PHIP: variants seen among roughly 807,000 people sequenced by gnomAD.
PHIP encodes the protein PH-interacting protein.
PHIP carries 54 observed loss-of-function variants against 236.8 expected under a neutral mutation model. The ratio of observed to expected loss-of-function variants is 0.23; its 90% CI spans 0.18 to 0.29. The LOEUF (loss-of-function observed/expected upper bound fraction) is 0.29, where lower values mean the gene tolerates loss of function less well. Ranked by LOEUF, PHIP falls within the 10% of genes least tolerant of loss-of-function variation. The pLI is 1.00. For synonymous variants in PHIP, 756 were observed against 718.9 expected (o/e 1.05, Z -0.83); for missense variants, 1,370 against 2,190.8 (o/e 0.63, Z 7.48).
Position 78,940,813 on chromosome 6 carries a change from G to A in PHIP, c.5346C>T (p.Asp1782=), listed in dbSNP as rs1348207831. Residue 1782 remains aspartate, a synonymous_variant, in exon 40 of 40, where the codon GAC becomes GAT. Coordinates refer to ENST00000275034, the MANE Select transcript of PHIP (RefSeq NM_017934.7). ...ACAGCTGCCTTTGCTCCTCTTCAGA[G>A]TCATCCTCATTATAGAAAGCTGTCC... ...GRRTAFYNED[D]SEEEQRQLLF... is the part of the protein sequence containing the mutation. 9.3e-6 allele frequency: 15 copies of A among 1,613,808 alleles called. No individual in the cohort carries two copies. Among genetic ancestry groups the A allele is most frequent in the Non-Finnish European group, 1.3e-5 (15 of 1,179,912 alleles).
chr6:79,015,543 A>G, intron 14 of PHIP, 87 bp downstream of exon 14: 2 of 1,023,478 alleles, frequency 2.0e-6, no homozygotes, highest in Non-Finnish European at 1.4e-6. Context: ...TTTTTAGCTA[A>G]CATAAAAGAC....
At chr6:79,019,057 T>TTC in intron 10 of PHIP, 32 bp downstream of exon 10, 1 of 1,521,198 alleles carries the variant, frequency 6.6e-7, no homozygotes. Context: ...ATGAACAACT[T>TTC]TAAGTCGAAA....
intron 15 of PHIP, among the ~76,000 whole-genome samples, chr6:79,009,396 AT>A (rs1450020483): frequency 6.6e-6 from 1 of 151,926 alleles, no homozygotes; most frequent in East Asian, 1.9e-4. Flanking sequence ...CATAGTTTCA[AT>A]TCCTTCTCCT....
intron 24 of PHIP, among the ~76,000 whole-genome samples, chr6:78,974,769 C>A (rs1174191776): frequency 6.6e-6 from 1 of 151,834 alleles, no homozygotes; most frequent in Non-Finnish European, 1.5e-5. Flanking sequence ...ACTAGAAAAT[C>A]TAGAAGAAAT....
At chr6:78,974,158 G>A (rs1201731808) in intron 24 of PHIP, among the ~76,000 whole-genome samples, 8 of 151,988 alleles carry the variant, frequency 5.3e-5, no homozygotes, top group Middle Eastern at 3.2e-3. Flanking sequence ...TAAAAGAACA[G>A]AAATTATAAC....
intron 4 of PHIP, among the ~76,000 whole-genome samples, chr6:79,073,357 G>A (rs1773990788): frequency 6.6e-6 from 1 of 152,086 alleles, no homozygotes; most frequent in South Asian, 2.1e-4. Flanking sequence ...ACGACCATAT[G>A]AGATTAAAGC....
intron 2 of PHIP, 50 bp from the exon 3 acceptor site, chr6:79,077,779 C>CCCGCCG (rs757057563): frequency 2.4e-5 from 23 of 973,120 alleles, no homozygotes; most frequent in Non-Finnish European, 2.2e-5. Context: ...GGGCCGCGGC[C>CCCGCCG]CCGCCGCCGC....
At chr6:79,020,772 T>A (rs1771079829) in intron 9 of PHIP, among the ~76,000 whole-genome samples, 1 of 152,258 alleles carries the variant, frequency 6.6e-6, no homozygotes, top group Admixed American at 6.5e-5. Flanking sequence ...GGAGTCTCGT[T>A]CTGTGGCCCA....
intron 24 of PHIP, among the ~76,000 whole-genome samples, chr6:78,974,394 T>C (rs1050708034): frequency 6.6e-6 from 1 of 151,738 alleles, no homozygotes; most frequent in Admixed American, 6.6e-5. Context: ...GAGGGAAATT[T>C]ATAGCACTAA....
chr6:79,046,356 C>T (rs1387701266), intron 6 of PHIP, among the ~76,000 whole-genome samples: 2 of 152,178 alleles, frequency 1.3e-5, no homozygotes, highest in Non-Finnish European at 2.9e-5. Flanking sequence ...ACAGCCCCTG[C>T]CATCACCCAT....
At chr6:78,959,423 G>A (rs989354509) in intron 31 of PHIP, among the ~76,000 whole-genome samples, 1 of 152,074 alleles carries the variant, frequency 6.6e-6, no homozygotes, top group Non-Finnish European at 1.5e-5. Context: ...TATCTTCAGT[G>A]TATCATATAG....
intron 23 of PHIP, among the ~76,000 whole-genome samples, chr6:78,981,458 A>G (rs10943611): frequency 0.096 from 14,573 of 152,064 alleles, 732 homozygotes; most frequent in Middle Eastern, 0.19. Flanking sequence ...AGTGACCCAC[A>G]TAATTCTATT....
Position 78,965,719 on chromosome 6 carries a change from C to A in PHIP, c.3363G>T (p.Glu1121Asp), listed in dbSNP as rs1424165395. Residue 1121 changes from glutamate to aspartate, a missense_variant, in exon 29 of 40, where the codon GAG becomes GAT. Physicochemically the swap from Glu to Asp is conservative, Grantham distance 45. This residue lies in a region of PHIP where 238 missense variants were observed against 398.5 expected (regional missense o/e 0.60). Coordinates refer to ENST00000275034, the MANE Select transcript of PHIP (RefSeq NM_017934.7). ...CACACTTACCATTATTAGGTATAAG[C>A]TCCATATCCCAAGGACTCATCTTTT... ...DTEKMSPWDM[E>D]LIPNNAVFPE... The A allele has an allele frequency of 6.4e-7, 1 of 1,562,128 alleles. No individual in the cohort carries two copies.
intron 7 of PHIP, among the ~76,000 whole-genome samples, chr6:79,042,383 T>C (rs967077830): frequency 6.6e-6 from 1 of 152,036 alleles, no homozygotes; most frequent in Non-Finnish European, 1.5e-5. Context: ...TTTTTAGCTT[T>C]TTTAAAATCA....
At chr6:78,945,705 AT>A (rs1773775344) in intron 38 of PHIP, 2 of 601,996 alleles carry the variant, frequency 3.3e-6, no homozygotes, top group Non-Finnish European at 5.8e-6. Flanking sequence ...CTGTCCCATC[AT>A]TTCAAAATTT....
intron 19 of PHIP, among the ~76,000 whole-genome samples, chr6:78,996,851 G>A (rs186526956): frequency 2.6e-5 from 4 of 152,172 alleles, no homozygotes; most frequent in Non-Finnish European, 5.9e-5. Flanking sequence ...CCTCATTCAT[G>A]AGTATTTCAT....
At chr6:78,965,114 T>C (rs1767046976) in intron 29 of PHIP, among the ~76,000 whole-genome samples, 1 of 152,188 alleles carries the variant, frequency 6.6e-6, no homozygotes, top group South Asian at 2.1e-4. Context: ...ACAGTTATAT[T>C]ATCATTATTA....
intron 7 of PHIP, among the ~76,000 whole-genome samples, chr6:79,036,172 C>T (rs1771923656): frequency 6.6e-6 from 1 of 152,140 alleles, no homozygotes; most frequent in Non-Finnish European, 1.5e-5. Flanking sequence ...TTTCTAGAAT[C>T]CATAAACAAG....
In PHIP at chr6:78,947,869, C is replaced by T. The variant is rs144013355; in HGVS notation, c.4054-94G>A. On this transcript the variant is annotated intron_variant, in intron 35 of 39. Transcript: ENST00000275034. ...TCGCACAGGATTTTTATGATGACTG[C>T]AAGTCCTAGAACTCTTAATAATCAC... is the stretch of plus-strand genomic sequence containing the variant. 1.3e-4 allele frequency: 101 copies of T among 784,074 alleles called. 1 individual carries two copies. In the East Asian group the frequency reaches 2.6e-3, roughly 20 times the overall value. The allele number at this position is 784,074 out of a possible 1,614,324, so 48.6% of individuals were successfully genotyped here. A position where few individuals can be genotyped will look rare whatever the true frequency, so the allele number is the denominator to read the frequency against.
Sources: allele counts gnomAD v4.1 joint callset (sites outside exome capture counted in the v4.1 genomes callset), GRCh38; gene constraint gnomAD v4.1.1; regional missense constraint gnomAD v4.1.1; transcripts MANE v1.5; gene names NCBI Gene and HGNC (gene_info 2026-07-23, HGNC 2026-07-21).